ATP6V1B1: variants seen among roughly 807,000 people sequenced by gnomAD.
ATP6V1B1 encodes the protein ATPase H+ transporting V1 subunit B1.
A neutral mutation model predicts 62.1 loss-of-function variants in ATP6V1B1; 41 were observed. The observed-to-expected ratio is 0.66, with a 90% CI of 0.51 to 0.86. ATP6V1B1 has a LOEUF of 0.86. ATP6V1B1 is among the 40% of genes least tolerant of loss of function. ATP6V1B1 has a pLI of 0.00. For synonymous variants in ATP6V1B1, 253 were observed against 273.4 expected, an observed-to-expected ratio of 0.93 and a Z score of 0.74; for missense variants, 651 against 697.5, an observed-to-expected ratio of 0.93 and a Z score of 0.75.
intron 2 of ATP6V1B1, among the ~76,000 whole-genome samples, chr2:70,954,657 T>G (rs931934523): frequency 2.0e-5 from 3 of 151,342 alleles, no homozygotes; most frequent in Non-Finnish European, 4.4e-5. Flanking sequence ...GGTTTGGTTT[T>G]GTTTTTCATA....
At chr2:70,950,117 A>G (rs1267315881) in intron 2 of ATP6V1B1, among the ~76,000 whole-genome samples, 1 of 152,188 alleles carries the variant, frequency 6.6e-6, no homozygotes, top group Non-Finnish European at 1.5e-5. Flanking sequence ...ATTAATTAAT[A>G]TACAACATTT....
rs1680637944 is a variant in ATP6V1B1 at position 70,963,405 on chromosome 2, G to A, written c.1060+93G>A. ...AGGGCCCACGTTGCTTTGCACAGAT[G>A]TGCAGCAGCGCTTTTCCTCCATCGA... On this transcript the variant is annotated intron_variant, in intron 10 of 13. Coordinates refer to ENST00000234396, the MANE Select transcript of ATP6V1B1 (RefSeq NM_001692.4). The surrounding 1 kb of genome is among the most constrained non-coding windows in gnomAD (Gnocchi z 4.3). 3 of 1,592,060 alleles carry A rather than the reference G, an allele frequency of 1.9e-6. No homozygotes were observed. The highest frequency in any genetic ancestry group is 1.7e-6 in the Non-Finnish European group (2 of 1,161,704).
chr2:70,959,502 A>G lies in ATP6V1B1; in HGVS notation c.445+407A>G, dbSNP rs1386884775. ...GTGGCTTGCCCTACGCCACACAGAA[A>G]GTCAGTGGCAGAGCACAGAAGACTC... On this transcript the variant is annotated intron_variant, in intron 5 of 13. Coordinates refer to ENST00000234396, the MANE Select transcript of ATP6V1B1 (RefSeq NM_001692.4). This position sits in a 1 kb window ranked among gnomAD's most constrained non-coding sequence, Gnocchi z 4.2. Among the ~76,000 whole-genome samples, 2 of 152,218 alleles carry G rather than the reference A, an allele frequency of 1.3e-5. No homozygotes were observed. Among genetic ancestry groups the G allele is most frequent in the Non-Finnish European group, 2.9e-5 (2 of 68,036 alleles).
chr2:70,952,319 C>T (rs1038008999), intron 2 of ATP6V1B1, among the ~76,000 whole-genome samples: 12 of 152,042 alleles, frequency 7.9e-5, no homozygotes, highest in South Asian at 2.1e-4. Flanking sequence ...AAAAATCAGC[C>T]GGGCGTGATG....
intron 2 of ATP6V1B1, among the ~76,000 whole-genome samples, chr2:70,950,390 T>C (rs1312081105): frequency 1.3e-5 from 2 of 152,126 alleles, no homozygotes; most frequent in African/African-American, 4.8e-5. Context: ...CAAATTTATA[T>C]ACTTTTCAAA....
Position 70,958,367 on chromosome 2 carries a change from A to G in ATP6V1B1, c.308A>G (p.Lys103Arg), listed in dbSNP as rs1553419441. Residue 103 changes from lysine to arginine, a missense_variant, in exon 4 of 14, where the codon AAG becomes AGG. Physicochemically the swap from Lys to Arg is conservative, Grantham distance 26 (BLOSUM62 2). Transcript: ENST00000234396. ...FEGTSGIDAR[K>R]TTCEFTGDIL... ...GGGACATCAGGGATCGATGCCAGGA[A>G]GACCACTTGCGAATTTACAGGGGAC... 3 of 1,613,990 alleles carry G rather than the reference A, an allele frequency of 1.9e-6. No homozygotes were observed. In the South Asian group the frequency reaches 3.3e-5, roughly 18 times the overall value.
intron 2 of ATP6V1B1, chr2:70,948,667 C>T (rs150419869): frequency 6.6e-6 from 1 of 152,316 alleles, no homozygotes; most frequent in East Asian, 1.9e-4. Flanking sequence ...GTGTTCGGAG[C>T]TCCTCCCACC....
rs76318590 is a variant in ATP6V1B1, at chr2:70,957,848, T to C, written c.175-198T>C. The C allele has an allele frequency of 4.8e-3, 2,975 of 614,642 alleles. 65 individuals are homozygous for C. The African/African-American group carries it at 0.049, about 10-fold the overall frequency. The allele number at this position is 614,642 out of a possible 1,614,324, so 38.1% of individuals were successfully genotyped here. Reference sequence around the variant, plus strand: ...CAGAGTTTCAGCTGTAACCTGGTCTTGCAACTCTGAAGTGGGTGCAACTGC... The same window carrying C: ...CAGAGTTTCAGCTGTAACCTGGTCTCGCAACTCTGAAGTGGGTGCAACTGC... On this transcript the variant is annotated intron_variant, in intron 2 of 13. Transcript: ENST00000234396.
At chr2:70,950,178 T>C (rs1414989003) in intron 2 of ATP6V1B1, among the ~76,000 whole-genome samples, 18 of 152,274 alleles carry the variant, frequency 1.2e-4, no homozygotes, top group African/African-American at 3.6e-4. Flanking sequence ...ACTTTTTTTC[T>C]TTCCTACTGA....
At chr2:70,958,451 TG>T (rs1680498101) in intron 4 of ATP6V1B1, 25 bp downstream of exon 4, 2 of 1,405,754 alleles carry the variant, frequency 1.4e-6, no homozygotes, top group South Asian at 2.3e-5. Context: ...GGGGCAGGGG[TG>T]GGGGTGCTCC....
chr2:70,944,339 G>C, intron 2 of ATP6V1B1: 1 of 739,410 alleles, frequency 1.4e-6, no homozygotes, highest in Non-Finnish European at 1.9e-6. Context: ...GGGAATTCTT[G>C]AGCCATAAAG....
intron 2 of ATP6V1B1, among the ~76,000 whole-genome samples, chr2:70,950,007 T>C (rs961389604): frequency 8.5e-5 from 13 of 152,228 alleles, no homozygotes; most frequent in African/African-American, 2.9e-4. Flanking sequence ...ACTTTATATT[T>C]AAATTTTTTT....
At position 70,936,066 on chromosome 2, in the gene ATP6V1B1, C is replaced by A. The variant is rs145773738; in HGVS notation, c.112C>A (p.Arg38Ser). The A allele has an allele frequency of 6.2e-7, 1 of 1,613,194 alleles. No individual in the cohort carries two copies. Among genetic ancestry groups the A allele is most frequent in the Admixed American group, 1.7e-5 (1 of 60,010 alleles). The change falls in exon 1 of 14, where the codon CGT (arginine) becomes AGT (serine). Residue 38 changes from arginine (R) to serine (S), a missense_variant. Physicochemically the swap from Arg to Ser is moderately radical, Grantham distance 110 (BLOSUM62 -1). Coordinates refer to ENST00000234396, the MANE Select transcript of ATP6V1B1 (RefSeq NM_001692.4). ...AVTRNYITHP[R>S]VTYRTVCSVN... ...CACCCGAAACTACATCACCCACCCCCGTGTCAGTGAGTAGCCCCTCCACCG... is the reference window on the plus strand; with the variant it reads ...CACCCGAAACTACATCACCCACCCCAGTGTCAGTGAGTAGCCCCTCCACCG...
At position 70,960,892 on chromosome 2, in the gene ATP6V1B1, G is replaced by A. The variant is rs376249526; in HGVS notation, c.586-29G>A. ...GACAGGGGTCAGCTCCGACTCTGAC[G>A]TCCTCCTGCCCAATCCACTCTGCCC... On this transcript the variant is annotated intron_variant, in intron 6 of 13. Transcript: ENST00000234396. 67 of 1,584,936 alleles carry A rather than the reference G, an allele frequency of 4.2e-5. No homozygotes were observed. In the Middle Eastern group the frequency reaches 8.3e-4, roughly 20 times the overall value.
Position 70,965,232 on chromosome 2 carries a change from CTG to C in ATP6V1B1, c.*112_*113del. 1 of 1,494,444 alleles carries C rather than the reference CTG, an allele frequency of 6.7e-7. No homozygotes were observed. The allele number at this position is 1,494,444 out of a possible 1,614,324, so 92.6% of individuals were successfully genotyped here. On this transcript the variant is annotated 3_prime_UTR_variant, in exon 14 of 14. Transcript: ENST00000234396. Reference sequence around the variant, plus strand: ...CTTCTGCGCCGCCCTCCGCCCTCCGCTGGCTCCGAGGTGGTGGGGGCGCCGCA... The same window carrying C: ...CTTCTGCGCCGCCCTCCGCCCTCCGCGCTCCGAGGTGGTGGGGGCGCCGCA...
At chr2:70,936,887 G>T (rs1445395089) in intron 1 of ATP6V1B1, among the ~76,000 whole-genome samples, 2 of 152,124 alleles carry the variant, frequency 1.3e-5, no homozygotes, top group African/African-American at 4.8e-5. Flanking sequence ...CAATTTCAGA[G>T]GGGAGGCCCT....
Position 70,959,991 on chromosome 2 carries a change from G to A in ATP6V1B1, c.498G>A (p.Thr166=), listed in dbSNP as rs968535935. ...TCTACCCCGAGGAGATGATTCAGACGGGCATTTCTCCTATTGACGTCATGA... is the reference window on the plus strand; with the variant it reads ...TCTACCCCGAGGAGATGATTCAGACAGGCATTTCTCCTATTGACGTCATGA... The part of the protein sequence containing the change: ...SRIYPEEMIQ[T]GISPIDVMNS... The change falls in exon 6 of 14, where the codon ACG becomes ACA. Residue 166 remains threonine, a synonymous_variant. Coordinates refer to ENST00000234396, the MANE Select transcript of ATP6V1B1 (RefSeq NM_001692.4). The surrounding 1 kb of genome is among the most constrained non-coding windows in gnomAD (Gnocchi z 4.2). 3 of 1,614,144 alleles carry A rather than the reference G, an allele frequency of 1.9e-6. No homozygotes were observed. Among genetic ancestry groups the A allele is most frequent in the South Asian group, 1.1e-5 (1 of 91,076 alleles).
chr2:70,952,843 C>T (rs1680351644), intron 2 of ATP6V1B1, among the ~76,000 whole-genome samples: 1 of 152,176 alleles, frequency 6.6e-6, no homozygotes, highest in Admixed American at 6.5e-5. Flanking sequence ...ATTTTATTAG[C>T]TTAGCTAGTT....
intron 2 of ATP6V1B1, among the ~76,000 whole-genome samples, chr2:70,951,142 C>G (rs540526813): frequency 3.8e-4 from 58 of 151,796 alleles, no homozygotes; most frequent in Non-Finnish European, 6.2e-4. Flanking sequence ...AGGGTTTCAC[C>G]ATTTTGACCA....
Sources: gnomAD v4.1 joint callset for allele counts (sites outside exome capture counted in the v4.1 genomes callset) on GRCh38, gnomAD v4.1.1 for gene constraint, Gnocchi (gnomAD v3.1) non-coding constraint, MANE v1.5 for transcripts, NCBI Gene and HGNC (gene_info 2026-07-23, HGNC 2026-07-21) for gene names.